Variants in DOK6 observed in about 807,000 individuals in gnomAD.
DOK6 encodes docking protein 6.
A neutral mutation model predicts 44.0 loss-of-function variants in DOK6; 22 were observed. The ratio of observed to expected loss-of-function variants is 0.50; its 90% CI spans 0.36 to 0.71. The LOEUF (loss-of-function observed/expected upper bound fraction) is 0.71. Among genes scored for constraint, DOK6 ranks in the 30% least tolerant of loss-of-function variants. The pLI is 0.00. For synonymous variants in DOK6, 166 were observed against 145.5 expected (o/e 1.14, Z -1.01); for missense variants, 340 against 416.4 (o/e 0.82, Z 1.60).
intron 7 of DOK6, among the ~76,000 whole-genome samples, chr18:69,797,841 C>A (rs1980793416): frequency 6.6e-6 from 1 of 151,898 alleles, no homozygotes; most frequent in African/African-American, 2.4e-5. Flanking sequence ...CAGTAGTGCA[C>A]TAAAAAAAGT....
At chr18:69,737,298 C>T (rs1290938408) in intron 5 of DOK6, among the ~76,000 whole-genome samples, 1 of 152,124 alleles carries the variant, frequency 6.6e-6, no homozygotes, top group South Asian at 2.1e-4. Context: ...GAAGCAGGGA[C>T]CTTCTTCACA....
chr18:69,811,305 G>C (rs1473104838), intron 7 of DOK6, among the ~76,000 whole-genome samples: 1 of 151,884 alleles, frequency 6.6e-6, no homozygotes, highest in Non-Finnish European at 1.5e-5. Context: ...GAGGCTGGTG[G>C]GGAGCTGATG....
intron 6 of DOK6, among the ~76,000 whole-genome samples, chr18:69,750,678 T>A (rs1386009008): frequency 1.3e-5 from 2 of 152,186 alleles, no homozygotes; most frequent in Non-Finnish European, 2.9e-5. Flanking sequence ...TGAAGGTTCC[T>A]CAAACATTTA....
chr18:69,638,889 T>C (rs4577196), intron 3 of DOK6, among the ~76,000 whole-genome samples: 14,696 of 152,242 alleles, frequency 0.097, 862 homozygotes, highest in African/African-American at 0.15. Context: ...AGTGGGGATT[T>C]ATAAAGGAAT....
At chr18:69,706,761 C>T (rs1336943921) in intron 5 of DOK6, among the ~76,000 whole-genome samples, 1 of 145,924 alleles carries the variant, frequency 6.9e-6, no homozygotes, top group Non-Finnish European at 1.5e-5. Context: ...TCAATTCCCA[C>T]CTATGAGTGA....
At chr18:69,582,745 A>G (rs1983400682) in intron 2 of DOK6, among the ~76,000 whole-genome samples, 1 of 152,136 alleles carries the variant, frequency 6.6e-6, no homozygotes, top group Non-Finnish European at 1.5e-5. Flanking sequence ...ATTCTTACAC[A>G]TTTGTACTAT....
chr18:69,807,407 A>C (rs1361565155), intron 7 of DOK6, among the ~76,000 whole-genome samples: 1 of 151,978 alleles, frequency 6.6e-6, no homozygotes, highest in Non-Finnish European at 1.5e-5. Context: ...ACAACCAAAA[A>C]ACAATTAGCA....
chr18:69,731,635 A>C (rs1243437554), intron 5 of DOK6, among the ~76,000 whole-genome samples: 1 of 149,554 alleles, frequency 6.7e-6, no homozygotes, highest in East Asian at 1.9e-4. Flanking sequence ...AACCCTGATT[A>C]CACATGATTA....
intron 3 of DOK6, among the ~76,000 whole-genome samples, chr18:69,668,198 C>CT (rs1378055365): frequency 6.6e-6 from 1 of 152,158 alleles, no homozygotes; most frequent in Admixed American, 6.5e-5. Flanking sequence ...CCCCACTCCA[C>CT]TGCTATATTG....
At chr18:69,609,270 T>C (rs1302129713) in intron 3 of DOK6, among the ~76,000 whole-genome samples, 2 of 152,152 alleles carry the variant, frequency 1.3e-5, no homozygotes, top group Non-Finnish European at 2.9e-5. Flanking sequence ...AGCAGTTAAT[T>C]TCCAGAATAT....
chr18:69,526,583 T>G (rs1012398596), intron 1 of DOK6, among the ~76,000 whole-genome samples: 2 of 152,186 alleles, frequency 1.3e-5, no homozygotes, highest in African/African-American at 2.4e-5. Context: ...GTACATATGT[T>G]TTCATTTCTC....
At chr18:69,571,684 A>G (rs1983117799) in intron 2 of DOK6, among the ~76,000 whole-genome samples, 1 of 152,232 alleles carries the variant, frequency 6.6e-6, no homozygotes, top group Non-Finnish European at 1.5e-5. Context: ...GACAAATAAA[A>G]ATCACAAATT....
chr18:69,570,944 C>G (rs929704561), intron 2 of DOK6, among the ~76,000 whole-genome samples: 18 of 151,816 alleles, frequency 1.2e-4, no homozygotes, highest in African/African-American at 4.4e-4. Flanking sequence ...GCAGATTATA[C>G]CAGAGGACTT....
chr18:69,810,742 CAAAT>C (rs1315809564), intron 7 of DOK6, among the ~76,000 whole-genome samples: 2 of 151,134 alleles, frequency 1.3e-5, no homozygotes, highest in Admixed American at 6.6e-5. Context: ...CAAGGAAAAA[CAAAT>C]AAAAGCCTCA....
Position 69,600,485 on chromosome 18 carries a change from C to T in DOK6, c.289+987C>T, listed in dbSNP as rs1983846251. ...ACCTCCTTGCATCATTTAAAATCGA[C>T]ATTTTGGAGTTGCACAGAAGCCTGT... On this transcript the variant is annotated intron_variant, in intron 3 of 7. Coordinates refer to ENST00000382713, the MANE Select transcript of DOK6 (RefSeq NM_152721.6). 2.0e-5 allele frequency among the ~76,000 whole-genome samples: 3 copies of T among 152,208 alleles called. No homozygotes were observed. In the South Asian group the frequency reaches 6.2e-4, roughly 32 times the overall value.
At chr18:69,431,304 T>C (rs1003530840) in intron 1 of DOK6, among the ~76,000 whole-genome samples, 1 of 152,174 alleles carries the variant, frequency 6.6e-6, no homozygotes, top group South Asian at 2.1e-4. Flanking sequence ...TTGAGATAAT[T>C]ACAGAGAGCT....
rs1307645061 is a variant in DOK6, at chr18:69,848,151, C to A, written c.*6768C>A. 4 of 151,982 alleles carry A rather than the reference C, an allele frequency of 2.6e-5. No homozygotes were observed. Among genetic ancestry groups the A allele is most frequent in the African/African-American group, 9.7e-5 (4 of 41,348 alleles). The allele number at this position is 151,982 out of a possible 1,614,324, so 9.4% of individuals were successfully genotyped here. ...ACAGAATTACCCCATCCTGCAAAATCCTTATCCCTATGAATCTCTAAAATA... is the reference window on the plus strand; with the variant it reads ...ACAGAATTACCCCATCCTGCAAAATACTTATCCCTATGAATCTCTAAAATA... On this transcript the variant is annotated 3_prime_UTR_variant, in exon 8 of 8. Coordinates refer to ENST00000382713, the MANE Select transcript of DOK6 (RefSeq NM_152721.6).
At chr18:69,588,832 A>AT (rs35263053) in intron 2 of DOK6, among the ~76,000 whole-genome samples, 111,980 of 151,692 alleles carry the variant, frequency 0.74, 43,953 homozygotes, top group Non-Finnish European at 0.88. Context: ...GATATAATTC[A>AT]TTTTAGATGA....
intron 3 of DOK6, among the ~76,000 whole-genome samples, chr18:69,612,444 C>A (rs1433063676): frequency 1.3e-5 from 2 of 149,470 alleles, no homozygotes; most frequent in Non-Finnish European, 3.0e-5. Flanking sequence ...TGTGCGAGGG[C>A]GCATGTGTGC....
Sources: allele counts gnomAD v4.1 joint callset (sites outside exome capture counted in the v4.1 genomes callset), GRCh38; gene constraint gnomAD v4.1.1; transcripts MANE v1.5; gene names NCBI Gene and HGNC (gene_info 2026-07-23, HGNC 2026-07-21).